Variants in ARMC3 observed in about 807,000 individuals in gnomAD.
ARMC3 encodes armadillo repeat-containing protein 3.
A neutral mutation model predicts 90.3 loss-of-function variants in ARMC3; 74 were observed. That is an observed-to-expected ratio of 0.82 (90% CI 0.68 to 0.99). The LOEUF (loss-of-function observed/expected upper bound fraction) is 0.99. Among genes scored for constraint, ARMC3 ranks in the 50% least tolerant of loss-of-function variants. The pLI, the probability that ARMC3 is intolerant of heterozygous loss-of-function variation, is 0.00. For synonymous variants in ARMC3, 334 were observed against 361.8 expected, an observed-to-expected ratio of 0.92 and a Z score of 0.87; for missense variants, 958 against 1,042.8, an observed-to-expected ratio of 0.92 and a Z score of 1.12.
intron 13 of ARMC3, among the ~76,000 whole-genome samples, 198 bp downstream of exon 13, chr10:23,003,612 T>C (rs762210180): frequency 2.2e-4 from 33 of 152,222 alleles, no homozygotes; most frequent in Non-Finnish European, 4.3e-4. Flanking sequence ...AGAATCTGCT[T>C]ACTTGTAATT....
chr10:23,010,207 C>T (rs935898772), intron 16 of ARMC3, among the ~76,000 whole-genome samples: 13 of 146,956 alleles, frequency 8.8e-5, no homozygotes, highest in Admixed American at 3.4e-4. Flanking sequence ...CCCTTCCCTC[C>T]GCTTCTTTGT....
rs932245604 is a variant in ARMC3 at position 23,035,796 on chromosome 10, G to A, written c.2410-1474G>A. On this transcript the variant is annotated intron_variant, in intron 18 of 18. Coordinates refer to ENST00000298032, the MANE Select transcript of ARMC3 (RefSeq NM_173081.5). Reference sequence around the variant, plus strand: ...GGCCACCCTTTCCCAGCTCCTAGTGGCAGGCTTTTTCCTATTTCCTTCAGC... The same window carrying A: ...GGCCACCCTTTCCCAGCTCCTAGTGACAGGCTTTTTCCTATTTCCTTCAGC... Among the ~76,000 whole-genome samples, 8 of 152,102 alleles carry A rather than the reference G, an allele frequency of 5.3e-5. No homozygotes were observed. The East Asian group carries it at 5.8e-4, about 11-fold the overall frequency.
At chr10:22,931,856 G>A (rs1833945106) in intron 1 of ARMC3, 140 bp from the exon 2 acceptor site, 1 of 654,162 alleles carries the variant, frequency 1.5e-6, no homozygotes. Flanking sequence ...TTGTACATAT[G>A]TGATAATTTT....
chr10:22,949,898 G>T (rs535616542), intron 3 of ARMC3, among the ~76,000 whole-genome samples: 1 of 152,032 alleles, frequency 6.6e-6, no homozygotes, highest in African/African-American at 2.4e-5. Context: ...ATAAAGATAA[G>T]GATGACAGTA....
At chr10:22,965,967 ACTGACTTTTTT>A (rs1174587852) in intron 7 of ARMC3, among the ~76,000 whole-genome samples, 19 of 152,126 alleles carry the variant, frequency 1.2e-4, no homozygotes, top group African/African-American at 4.6e-4. Flanking sequence ...ATTTCTATTG[ACTGACTTTTTT>A]CTGACTTTGA....
At chr10:23,012,306 G>T (rs570003238) in intron 16 of ARMC3, among the ~76,000 whole-genome samples, 77 of 152,138 alleles carry the variant, frequency 5.1e-4, no homozygotes, top group African/African-American at 1.8e-3. Flanking sequence ...GATCCATGTC[G>T]CTTTGTTCTA....
In ARMC3 at chr10:22,983,224, T is replaced by C. The variant is rs538800110; in HGVS notation, c.1175+1524T>C. Among the ~76,000 whole-genome samples, 182 of 152,156 alleles carry C rather than the reference T, an allele frequency of 1.2e-3. 1 individual carries two copies. The highest frequency in any genetic ancestry group is 4.3e-3 in the African/African-American group (177 of 41,514). ...GAATACTTTTAACAGGCCTCCAGAG[T>C]GTATAGGTGTCTTGATTTGATGTGA... On this transcript the variant is annotated intron_variant, in intron 10 of 18. Transcript: ENST00000298032.
intron 10 of ARMC3, among the ~76,000 whole-genome samples, chr10:22,987,464 A>G (rs1378758600): frequency 6.6e-6 from 1 of 152,254 alleles, no homozygotes; most frequent in Non-Finnish European, 1.5e-5. Context: ...AAACTATGAA[A>G]AGATTAGAAT....
intron 7 of ARMC3, among the ~76,000 whole-genome samples, chr10:22,963,678 T>C (rs1835299302): frequency 6.6e-6 from 1 of 151,420 alleles, no homozygotes; most frequent in Admixed American, 6.6e-5. Context: ...GATCACAAGG[T>C]CAGGAGATCG....
chr10:22,938,238 G>A (rs1186107150), intron 2 of ARMC3, among the ~76,000 whole-genome samples: 1 of 152,160 alleles, frequency 6.6e-6, no homozygotes, highest in East Asian at 1.9e-4. Flanking sequence ...GCCTCATGCA[G>A]TGTGTTTGAG....
At chr10:22,964,738 GC>G (rs1301874386) in intron 7 of ARMC3, among the ~76,000 whole-genome samples, 6 of 150,534 alleles carry the variant, frequency 4.0e-5, no homozygotes, top group Admixed American at 2.0e-4. Flanking sequence ...ACTGCACCCG[GC>G]CCCCCGTAGT....
intron 16 of ARMC3, among the ~76,000 whole-genome samples, chr10:23,024,830 G>A (rs1277767879): frequency 1.3e-5 from 2 of 152,152 alleles, no homozygotes; most frequent in South Asian, 2.1e-4. Context: ...GTTATGATCC[G>A]ACTGTATGCT....
chr10:22,994,581 A>G (rs550560893), intron 10 of ARMC3, among the ~76,000 whole-genome samples: 17 of 152,328 alleles, frequency 1.1e-4, no homozygotes, highest in African/African-American at 3.8e-4. Flanking sequence ...AAAAATTGGG[A>G]ACTTTATCCT....
Position 23,023,479 on chromosome 10 carries a change from T to C in ARMC3, c.2046-7117T>C, listed in dbSNP as rs866674153. ...ATATCAGGAACCAAGAAAATCACAA[T>C]ACCAATGAGAAATGACAATCAATTA... On this transcript the variant is annotated intron_variant, in intron 16 of 18. Transcript: ENST00000298032. Among the ~76,000 whole-genome samples the C allele has an allele frequency of 2.6e-5, 4 of 152,016 alleles. No homozygotes were observed. The South Asian group carries it at 8.3e-4, about 32-fold the overall frequency.
chr10:22,936,610 A>T (rs920269888), intron 2 of ARMC3, among the ~76,000 whole-genome samples: 7 of 152,142 alleles, frequency 4.6e-5, no homozygotes, highest in Non-Finnish European at 5.9e-5. Flanking sequence ...TGAAATTATA[A>T]TTTCTCAATG....
intron 16 of ARMC3, among the ~76,000 whole-genome samples, chr10:23,027,041 T>C (rs555082599): frequency 7.9e-5 from 12 of 152,326 alleles, no homozygotes; most frequent in East Asian, 1.9e-4. Flanking sequence ...AGCCTTACTA[T>C]CAAATACAGT....
chr10:22,953,495 A>G (rs534177120), intron 3 of ARMC3, among the ~76,000 whole-genome samples: 6 of 152,324 alleles, frequency 3.9e-5, no homozygotes, highest in East Asian at 3.9e-4. Context: ...CTGATAAAAT[A>G]TGTCTGCAAA....
chr10:23,013,475 A>C (rs765619571), intron 16 of ARMC3, among the ~76,000 whole-genome samples: 18 of 152,120 alleles, frequency 1.2e-4, no homozygotes, highest in Non-Finnish European at 2.1e-4. Flanking sequence ...CACTTTATCG[A>C]GGCTTAATTG....
chr10:22,960,780 C>T (rs1835156799), intron 6 of ARMC3: 1 of 152,182 alleles, frequency 6.6e-6, no homozygotes, highest in Admixed American at 6.6e-5. Context: ...GCCAGAAGTC[C>T]AAAATCAAGG....
Sources: allele counts gnomAD v4.1 joint callset (sites outside exome capture counted in the v4.1 genomes callset), GRCh38; gene constraint gnomAD v4.1.1; transcripts MANE v1.5; gene names NCBI Gene and HGNC (gene_info 2026-07-23, HGNC 2026-07-21).